NLE1: variants seen among roughly 807,000 people sequenced by gnomAD.
The protein encoded by NLE1 is notchless protein homolog 1.
NLE1 carries 37 observed loss-of-function variants against 62.8 expected under a neutral mutation model. That is an observed-to-expected ratio of 0.59 (90% CI 0.45 to 0.78). NLE1 has a LOEUF of 0.78. Among genes scored for constraint, NLE1 ranks in the 30% least tolerant of loss-of-function variants. The pLI, the probability that NLE1 is intolerant of heterozygous loss-of-function variation, is 0.00. For synonymous variants in NLE1, 243 were observed against 253.0 expected (o/e 0.96, Z 0.37); for missense variants, 555 against 637.9 (o/e 0.87, Z 1.40).
chr17:35,130,201 A>C lies in NLE1; in HGVS notation c.*2236T>G, dbSNP rs571266368. On this transcript the variant is annotated 3_prime_UTR_variant, in exon 13 of 13. Transcript: ENST00000442241. ...TAAGGTCTGAGTCAGCAGACAGAAA[A>C]AAAAGGGGTGATAGAGACAGAGAGA... The C allele has an allele frequency of 3.9e-6, 6 of 1,541,736 alleles. No individual in the cohort carries two copies. In the African/African-American group the frequency reaches 8.3e-5, roughly 21 times the overall value.
In NLE1 at chr17:35,129,820, G is replaced by A; in HGVS notation, c.*2617C>T. ...ATCAATTCCAGAATGCATGCTTCTG[G>A]GAGGTTTAAGGATTAAGCCACTCTG... On this transcript the variant is annotated 3_prime_UTR_variant, in exon 13 of 13. Coordinates refer to ENST00000442241, the MANE Select transcript of NLE1 (RefSeq NM_018096.5). 1 of 1,436,402 alleles carries A rather than the reference G, an allele frequency of 7.0e-7. No homozygotes were observed. Among genetic ancestry groups the A allele is most frequent in the Non-Finnish European group, 9.1e-7 (1 of 1,099,880 alleles). 89.0% of individuals were successfully genotyped at this position (1,436,402 alleles called of 1,614,324 possible).
At chr17:35,137,229 T>A (rs370419699) in intron 6 of NLE1, 36 bp from the exon 7 acceptor site, 3 of 1,555,206 alleles carry the variant, frequency 1.9e-6, no homozygotes, top group Non-Finnish European at 2.6e-6. Flanking sequence ...ATCTGTGACC[T>A]GGCAACATCT....
At position 35,135,337 on chromosome 17, in the gene NLE1, T is replaced by C. The variant is rs1567744763; in HGVS notation, c.1126A>G (p.Asn376Asp). The change falls in exon 10 of 13, where the codon AAC (asparagine) becomes GAC (aspartate). Residue 376 changes from asparagine to aspartate, a missense_variant. Physicochemically the swap from Asn to Asp is conservative, Grantham distance 23. Transcript: ENST00000442241. Reference sequence around the variant, plus strand: ...GAGTCAGGAGAGAAGAGCACCTGGTTGATGAGAGCTTGGTGTCCTGTCATC... The same window carrying C: ...GAGTCAGGAGAGAAGAGCACCTGGTCGATGAGAGCTTGGTGTCCTGTCATC... ...TRMTGHQALI[N>D]QVLFSPDSRI... is the part of the protein sequence containing the mutation. 6.2e-7 allele frequency: 1 copy of C among 1,614,202 alleles called. No homozygotes were observed. Among genetic ancestry groups the C allele is most frequent in the Non-Finnish European group, 8.5e-7 (1 of 1,180,032 alleles).
intron 9 of NLE1, 65 bp downstream of exon 9, chr17:35,136,104 G>A: frequency 1.3e-6 from 2 of 1,526,572 alleles, no homozygotes; most frequent in Non-Finnish European, 9.0e-7. Context: ...GGGTCTGAGA[G>A]GGTTTTAGTG....
At chr17:35,139,730 T>A in intron 3 of NLE1, 119 bp downstream of exon 3, 1 of 1,401,004 alleles carries the variant, frequency 7.1e-7, no homozygotes, top group Admixed American at 2.2e-5. Flanking sequence ...AGTCCAGAGC[T>A]TGGGTCTATG....
chr17:35,133,142 A>G (rs774141962), intron 12 of NLE1, 29 bp downstream of exon 12: 1 of 1,607,886 alleles, frequency 6.2e-7, no homozygotes, highest in Non-Finnish European at 8.5e-7. Flanking sequence ...AGGGCTGTGT[A>G]TGCCAACCAC....
Position 35,137,176 on chromosome 17 carries a change from T to A in NLE1, c.653A>T (p.Tyr218Phe). ...GCCATCCTTGGAGCTGCTGGCCACA[T>A]AGCGGCACTCAGGGTTCCTGGAGAG... ...EPLHANPECRYVASSSKDGSV... is the reference protein window; with the variant it reads ...EPLHANPECRFVASSSKDGSV... Residue 218 changes from tyrosine to phenylalanine, a missense_variant, in exon 7 of 13, where the codon TAT becomes TTT. Coordinates refer to ENST00000442241, the MANE Select transcript of NLE1 (RefSeq NM_018096.5). 6.2e-7 allele frequency: 1 copy of A among 1,609,088 alleles called. No homozygotes were observed. The highest frequency in any genetic ancestry group is 8.5e-7 in the Non-Finnish European group (1 of 1,176,112).
intron 1 of NLE1, 26 bp downstream of exon 1, chr17:35,142,232 C>G: frequency 6.4e-7 from 1 of 1,554,360 alleles, no homozygotes; most frequent in Non-Finnish European, 8.7e-7. Flanking sequence ...CGGCGACGCC[C>G]CCCGCCCCCA....
chr17:35,129,555 G>T lies in NLE1; in HGVS notation c.*2882C>A. ...CCATGGATCTTCAACAAGATTTTGG[G>T]CACTACTGTCAAGCTGATGGAGCTA... is the stretch of plus-strand genomic sequence containing the variant. On this transcript the variant is annotated 3_prime_UTR_variant, in exon 13 of 13. Coordinates refer to ENST00000442241, the MANE Select transcript of NLE1 (RefSeq NM_018096.5). 6.2e-7 allele frequency: 1 copy of T among 1,614,166 alleles called. No individual in the cohort carries two copies. The highest frequency in any genetic ancestry group is 8.5e-7 in the Non-Finnish European group (1 of 1,180,032).
At chr17:35,141,726 G>A (rs963676597) in intron 2 of NLE1, among the ~76,000 whole-genome samples, 1 of 152,350 alleles carries the variant, frequency 6.6e-6, no homozygotes, top group East Asian at 1.9e-4. Flanking sequence ...CTGGGGGACT[G>A]TGACAAAGAA....
At chr17:35,139,739 T>C in intron 3 of NLE1, 110 bp downstream of exon 3, 1 of 1,461,898 alleles carries the variant, frequency 6.8e-7, no homozygotes, top group South Asian at 1.3e-5. Context: ...CTTGGGTCTA[T>C]GGTAGGCAGC....
At chr17:35,142,230 C>A in intron 1 of NLE1, 28 bp downstream of exon 1, 1 of 1,553,404 alleles carries the variant, frequency 6.4e-7, no homozygotes, top group Non-Finnish European at 8.7e-7. Flanking sequence ...CGCGGCGACG[C>A]CCCCCGCCCC....
chr17:35,136,455 T>C lies in NLE1; in HGVS notation c.871A>G (p.Asn291Asp). 1 of 1,614,100 alleles carries C rather than the reference T, an allele frequency of 6.2e-7. No homozygotes were observed. Among genetic ancestry groups the C allele is most frequent in the Non-Finnish European group, 8.5e-7 (1 of 1,179,958 alleles). ...RTLQGHGHWV[N>D]TMALSTDYAL... ...TAGTCAGTGCTGAGGGCCATGGTGTTCACCCAGTGGCCGTGGCCTTGCAGA... is the reference window on the plus strand; with the variant it reads ...TAGTCAGTGCTGAGGGCCATGGTGTCCACCCAGTGGCCGTGGCCTTGCAGA... Residue 291 changes from asparagine (N) to aspartate (D), a missense_variant, in exon 8 of 13, where the codon AAC becomes GAC. Asn to Asp is a conservative substitution (Grantham distance 23). Coordinates refer to ENST00000442241, the MANE Select transcript of NLE1 (RefSeq NM_018096.5).
In NLE1 at chr17:35,130,323, C is replaced by G. The variant is rs2091869109; in HGVS notation, c.*2114G>C. ...CTGACTTCAGCAGCTTTCCTGAGAACTACCCCATCCAGATCACCGTGCGGC... is the reference window on the plus strand; with the variant it reads ...CTGACTTCAGCAGCTTTCCTGAGAAGTACCCCATCCAGATCACCGTGCGGC... On this transcript the variant is annotated 3_prime_UTR_variant, in exon 13 of 13. Coordinates refer to ENST00000442241, the MANE Select transcript of NLE1 (RefSeq NM_018096.5). The G allele has an allele frequency of 6.2e-7, 1 of 1,614,120 alleles. No homozygotes were observed. The highest frequency in any genetic ancestry group is 8.5e-7 in the Non-Finnish European group (1 of 1,179,986).
rs1419025515 is a variant in NLE1 at position 35,129,746 on chromosome 17, G to A, written c.*2691C>T. 2.6e-6 allele frequency: 4 copies of A among 1,520,976 alleles called. No homozygotes were observed. The highest frequency in any genetic ancestry group is 3.5e-6 in the Non-Finnish European group (4 of 1,134,818). The allele number at this position is 1,520,976 out of a possible 1,614,324, so 94.2% of individuals were successfully genotyped here. A position where few individuals can be genotyped will look rare whatever the true frequency, so the allele number is the denominator to read the frequency against. On this transcript the variant is annotated 3_prime_UTR_variant, in exon 13 of 13. Coordinates refer to ENST00000442241, the MANE Select transcript of NLE1 (RefSeq NM_018096.5). Reference sequence around the variant, plus strand: ...CTTTGGAGGTTGGGAACACCCCTATGCCCACATGACTCATCTGGCTAGCTT... The same window carrying A: ...CTTTGGAGGTTGGGAACACCCCTATACCCACATGACTCATCTGGCTAGCTT...
Position 35,137,179 on chromosome 17 carries a change from C to G in NLE1, c.650G>C (p.Arg217Pro), listed in dbSNP as rs776915676. 1 of 1,608,410 alleles carries G rather than the reference C, an allele frequency of 6.2e-7. No individual in the cohort carries two copies. Among genetic ancestry groups the G allele is most frequent in the African/African-American group, 1.3e-5 (1 of 74,810 alleles). The change falls in exon 7 of 13, where the codon CGC becomes CCC. Residue 217 changes from arginine (R) to proline (P), a missense_variant. Arg to Pro is a moderately radical substitution (Grantham distance 103). Transcript: ENST00000442241. Reference protein sequence around the residue: ...WEPLHANPECRYVASSSKDGS... With the variant: ...WEPLHANPECPYVASSSKDGS... ...ATCCTTGGAGCTGCTGGCCACATAG[C>G]GGCACTCAGGGTTCCTGGAGAGAAG...
Position 35,136,025 on chromosome 17 carries a change from T to A in NLE1, c.1011+144A>T, listed in dbSNP as rs977370087. On this transcript the variant is annotated intron_variant, in intron 9 of 12. Coordinates refer to ENST00000442241, the MANE Select transcript of NLE1 (RefSeq NM_018096.5). ...CTCTAGCACATTAGTATTTTAGGAT[T>A]GCAAACTAGGATTATGAAGAACAAC... The A allele has an allele frequency of 9.6e-6, 7 of 731,334 alleles. No homozygotes were observed. The African/African-American group carries it at 1.1e-4, about 11-fold the overall frequency. The allele number at this position is 731,334 out of a possible 1,614,324, so 45.3% of individuals were successfully genotyped here. A position where few individuals can be genotyped will look rare whatever the true frequency, so the allele number is the denominator to read the frequency against.
chr17:35,129,384 C>A lies in NLE1; in HGVS notation c.*3053G>T. On this transcript the variant is annotated 3_prime_UTR_variant, in exon 13 of 13. Transcript: ENST00000442241. ...GGGTGAAGGGACAGGAAGGACAGGA[C>A]ATATCTGAGGAAGCCTCGGGGCTCT... 1 of 1,602,836 alleles carries A rather than the reference C, an allele frequency of 6.2e-7. No homozygotes were observed. Among genetic ancestry groups the A allele is most frequent in the Non-Finnish European group, 8.5e-7 (1 of 1,173,398 alleles).
At chr17:35,135,612 T>G (rs2091903763) in intron 9 of NLE1, among the ~76,000 whole-genome samples, 161 bp from the exon 10 acceptor site, 1 of 152,198 alleles carries the variant, frequency 6.6e-6, no homozygotes, top group Non-Finnish European at 1.5e-5. Context: ...CACTCGCATG[T>G]GACCCCAGGC....
Sources: gnomAD v4.1 joint callset for allele counts (sites outside exome capture counted in the v4.1 genomes callset) on GRCh38, gnomAD v4.1.1 for gene constraint, MANE v1.5 for transcripts, NCBI Gene and HGNC (gene_info 2026-07-23, HGNC 2026-07-21) for gene names.